TMEM86A: variants seen among roughly 807,000 people sequenced by gnomAD.
TMEM86A encodes the protein transmembrane protein 86A.
A neutral mutation model predicts 19.8 loss-of-function variants in TMEM86A; 13 were observed. That is an observed-to-expected ratio of 0.66 (90% CI 0.43 to 1.04). The LOEUF (loss-of-function observed/expected upper bound fraction) is 1.04, where lower values mean the gene tolerates loss of function less well. Ranked by LOEUF, TMEM86A falls within the 50% of genes least tolerant of loss-of-function variation. TMEM86A has a pLI of 0.00. For synonymous variants in TMEM86A, 128 were observed against 129.9 expected, an observed-to-expected ratio of 0.99 and a Z score of 0.10; for missense variants, 248 against 306.8, an observed-to-expected ratio of 0.81 and a Z score of 1.43.
rs2134150498 is a variant in TMEM86A, at chr11:18,701,742, C to T, written c.456C>T (p.Ala152=). 6 of 1,614,164 alleles carry T rather than the reference C, an allele frequency of 3.7e-6. No individual in the cohort carries two copies. The South Asian group carries it at 5.5e-5, about 15-fold the overall frequency. ...AFTYLVGVYV[A]LIGFMGWRAM... is the part of the protein sequence containing the mutation. ...CCTACCTGGTGGGGGTCTATGTGGC[C>T]CTTATCGGCTTCATGGGCTGGCGAG... The change falls in exon 3 of 3, where the codon GCC becomes GCT. Residue 152 remains alanine (A), a synonymous_variant. Coordinates refer to ENST00000280734, the MANE Select transcript of TMEM86A (RefSeq NM_153347.3). This position sits in a 1 kb window ranked among gnomAD's most constrained non-coding sequence, Gnocchi z 5.3.
intron 1 of TMEM86A, 145 bp from the exon 2 acceptor site, chr11:18,700,788 G>A: frequency 8.4e-7 from 1 of 1,191,392 alleles, no homozygotes; most frequent in Non-Finnish European, 1.2e-6. Context: ...GCCAGGCTGG[G>A]TTTCTCTGTG....
Position 18,700,979 on chromosome 11 carries a change from G to C in TMEM86A, c.68G>C (p.Cys23Ser), listed in dbSNP as rs765996164. ...PKLVPFFKATCVYFVLWLPSS... is the reference protein window; with the variant it reads ...PKLVPFFKATSVYFVLWLPSS... Reference sequence around the variant, plus strand: ...CTGGTGCCGTTCTTCAAGGCCACCTGCGTGTATTTTGTGCTCTGGCTGCCC... The same window carrying C: ...CTGGTGCCGTTCTTCAAGGCCACCTCCGTGTATTTTGTGCTCTGGCTGCCC... Residue 23 changes from cysteine to serine, a missense_variant, in exon 2 of 3, where the codon TGC becomes TCC. Coordinates refer to ENST00000280734, the MANE Select transcript of TMEM86A (RefSeq NM_153347.3). The C allele has an allele frequency of 6.8e-6, 11 of 1,614,198 alleles. No individual in the cohort carries two copies. The Admixed American group carries it at 1.5e-4, about 22-fold the overall frequency.
At position 18,701,862 on chromosome 11, in the gene TMEM86A, C is replaced by G. The variant is rs1341652776; in HGVS notation, c.576C>G (p.Thr192=). The G allele has an allele frequency of 1.2e-6, 2 of 1,614,022 alleles. No individual in the cohort carries two copies. Among genetic ancestry groups the G allele is most frequent in the African/African-American group, 1.3e-5 (1 of 74,928 alleles). ...GALFFIISDL[T]IALNKFCFPV... Reference sequence around the variant, plus strand: ...TCTTCTTTATCATCTCAGACCTGACCATCGCCCTCAACAAATTCTGTTTTC... The same window carrying G: ...TCTTCTTTATCATCTCAGACCTGACGATCGCCCTCAACAAATTCTGTTTTC... The change falls in exon 3 of 3, where the codon ACC becomes ACG. Residue 192 remains threonine (T), a synonymous_variant. Coordinates refer to ENST00000280734, the MANE Select transcript of TMEM86A (RefSeq NM_153347.3). This position sits in a 1 kb window ranked among gnomAD's most constrained non-coding sequence, Gnocchi z 5.3.
intron 1 of TMEM86A, 83 bp downstream of exon 1, chr11:18,698,990 C>A: frequency 2.3e-6 from 1 of 428,072 alleles, no homozygotes; most frequent in Non-Finnish European, 4.1e-6. Flanking sequence ...GGCCGAGCTG[C>A]CGAAGGGGCC....
chr11:18,704,584 C>G lies in TMEM86A; in HGVS notation c.*2575C>G. ...TTCGTTATATTAATGATGCTGGCGACCAGGGAAATTCCAAACTGCTGGACT... is the reference window on the plus strand; with the variant it reads ...TTCGTTATATTAATGATGCTGGCGAGCAGGGAAATTCCAAACTGCTGGACT... On this transcript the variant is annotated 3_prime_UTR_variant, in exon 3 of 3. Transcript: ENST00000280734. 1 of 1,237,384 alleles carries G rather than the reference C, an allele frequency of 8.1e-7. No individual in the cohort carries two copies. Among genetic ancestry groups the G allele is most frequent in the Non-Finnish European group, 1.2e-6 (1 of 867,136 alleles). 76.7% of individuals were successfully genotyped at this position (1,237,384 alleles called of 1,614,324 possible).
rs545877682 is a variant in TMEM86A at position 18,700,772 on chromosome 11, A to G, written c.22-161A>G. The G allele has an allele frequency of 3.7e-4, 357 of 973,812 alleles. 5 individuals carry two copies. The South Asian group carries it at 5.6e-3, about 15-fold the overall frequency. The allele number at this position is 973,812 out of a possible 1,614,324, so 60.3% of individuals were successfully genotyped here. A position where few individuals can be genotyped will look rare whatever the true frequency, so the allele number is the denominator to read the frequency against. On this transcript the variant is annotated intron_variant, in intron 1 of 2. Transcript: ENST00000280734. ...TTGGCCACAACCTGCTGGCTGGTAGAGGCAGGCCAGGCTGGGTTTCTCTGT... is the reference window on the plus strand; with the variant it reads ...TTGGCCACAACCTGCTGGCTGGTAGGGGCAGGCCAGGCTGGGTTTCTCTGT...
rs1402964284 is a variant in TMEM86A at position 18,702,322 on chromosome 11, C to T, written c.*313C>T. Reference sequence around the variant, plus strand: ...GATGGTGCTCAGCTTCTTGACACCCCCCCACCCACTTCCCCTACCAGGTGG... The same window carrying T: ...GATGGTGCTCAGCTTCTTGACACCCTCCCACCCACTTCCCCTACCAGGTGG... On this transcript the variant is annotated 3_prime_UTR_variant, in exon 3 of 3. Coordinates refer to ENST00000280734, the MANE Select transcript of TMEM86A (RefSeq NM_153347.3). The T allele has an allele frequency of 7.3e-6, 3 of 411,542 alleles. No homozygotes were observed. The highest frequency in any genetic ancestry group is 9.0e-6 in the Non-Finnish European group (2 of 221,274). 25.5% of individuals were successfully genotyped at this position (411,542 alleles called of 1,614,324 possible).
In TMEM86A at chr11:18,699,435, T is replaced by C. The variant is rs1848130865; in HGVS notation, c.21+528T>C. On this transcript the variant is annotated intron_variant, in intron 1 of 2. Transcript: ENST00000280734. The surrounding 1 kb of genome is among the most constrained non-coding windows in gnomAD (Gnocchi z 4.0). ...GGGCATTCTCTATGACATCCCCTGC[T>C]TTTCAGACTTTCTCAACTTGAACCT... Among the ~76,000 whole-genome samples, 1 of 152,242 alleles carries C rather than the reference T, an allele frequency of 6.6e-6. No homozygotes were observed. The highest frequency in any genetic ancestry group is 1.5e-5 in the Non-Finnish European group (1 of 68,048).
rs1848124372 is a variant in TMEM86A, at chr11:18,698,812, G to T, written c.-75G>T. 5 of 653,906 alleles carry T rather than the reference G, an allele frequency of 7.6e-6. No individual in the cohort carries two copies. The highest frequency in any genetic ancestry group is 1.1e-5 in the Non-Finnish European group (4 of 364,100). 40.5% of individuals were successfully genotyped at this position (653,906 alleles called of 1,614,324 possible). A position where few individuals can be genotyped will look rare whatever the true frequency, so the allele number is the denominator to read the frequency against. Reference sequence around the variant, plus strand: ...TCCCTCCGGGCTTTGTAGAATCGTCGCCGGCTTACCTGGCCGTGGGCGCGT... The same window carrying T: ...TCCCTCCGGGCTTTGTAGAATCGTCTCCGGCTTACCTGGCCGTGGGCGCGT... On this transcript the variant is annotated 5_prime_UTR_variant, in exon 1 of 3. Coordinates refer to ENST00000280734, the MANE Select transcript of TMEM86A (RefSeq NM_153347.3).
In TMEM86A at chr11:18,704,355, TA is replaced by T; in HGVS notation, c.*2347del. On this transcript the variant is annotated 3_prime_UTR_variant, in exon 3 of 3. Transcript: ENST00000280734. ...TTGCCCCATCCCTTCACTGAATGTT[TA>T]CATTAACAAACACCAGAGAGCAAAC... The T allele has an allele frequency of 1.4e-6, 1 of 716,264 alleles. No individual in the cohort carries two copies. Among genetic ancestry groups the T allele is most frequent in the Non-Finnish European group, 2.5e-6 (1 of 399,272 alleles). 44.4% of individuals were successfully genotyped at this position (716,264 alleles called of 1,614,324 possible). A position where few individuals can be genotyped will look rare whatever the true frequency, so the allele number is the denominator to read the frequency against.
Position 18,701,857 on chromosome 11 carries a change from C to T in TMEM86A, c.571C>T (p.Leu191=), listed in dbSNP as rs773920751. The T allele has an allele frequency of 1.2e-6, 2 of 1,614,034 alleles. No individual in the cohort carries two copies. The highest frequency in any genetic ancestry group is 1.7e-5 in the Admixed American group (1 of 60,014). The change falls in exon 3 of 3, where the codon CTG becomes TTG. Residue 191 remains leucine (L), a synonymous_variant. Transcript: ENST00000280734. The surrounding 1 kb of genome is among the most constrained non-coding windows in gnomAD (Gnocchi z 5.3). ...TGCACTCTTCTTTATCATCTCAGACCTGACCATCGCCCTCAACAAATTCTG... is the reference window on the plus strand; with the variant it reads ...TGCACTCTTCTTTATCATCTCAGACTTGACCATCGCCCTCAACAAATTCTG... ...SGALFFIISD[L]TIALNKFCFP...
rs1351177000 is a variant in TMEM86A at position 18,699,527 on chromosome 11, G to A, written c.21+620G>A. ...CCCTATAACTGTCAGGGTCTCTCCAGCTACTGCCAGTATCTCCTTCTAGAA... is the reference window on the plus strand; with the variant it reads ...CCCTATAACTGTCAGGGTCTCTCCAACTACTGCCAGTATCTCCTTCTAGAA... On this transcript the variant is annotated intron_variant, in intron 1 of 2. Coordinates refer to ENST00000280734, the MANE Select transcript of TMEM86A (RefSeq NM_153347.3). The surrounding 1 kb of genome is among the most constrained non-coding windows in gnomAD (Gnocchi z 4.0). Among the ~76,000 whole-genome samples the A allele has an allele frequency of 1.3e-5, 2 of 152,202 alleles. No individual in the cohort carries two copies. Among genetic ancestry groups the A allele is most frequent in the Non-Finnish European group, 2.9e-5 (2 of 68,034 alleles).
chr11:18,701,902 C>G lies in TMEM86A; in HGVS notation c.616C>G (p.Arg206Gly). ...ATTCTGTTTTCCTGTGCCCTACTCT[C>G]GGGCGCTTATCATGTCCACCTACTA... ...NKFCFPVPYS[R>G]ALIMSTYYVA... The change falls in exon 3 of 3, where the codon CGG (arginine) becomes GGG (glycine). Residue 206 changes from arginine (R) to glycine (G), a missense_variant. Physicochemically the swap from Arg to Gly is moderately radical, Grantham distance 125 (BLOSUM62 -2). Transcript: ENST00000280734. The surrounding 1 kb of genome is among the most constrained non-coding windows in gnomAD (Gnocchi z 5.3). 6.2e-7 allele frequency: 1 copy of G among 1,614,098 alleles called. No individual in the cohort carries two copies. The highest frequency in any genetic ancestry group is 1.6e-4 in the Middle Eastern group (1 of 6,062).
rs1394880500 is a variant in TMEM86A at position 18,699,094 on chromosome 11, C to G, written c.21+187C>G. Among the ~76,000 whole-genome samples, 1 of 152,066 alleles carries G rather than the reference C, an allele frequency of 6.6e-6. No homozygotes were observed. Among genetic ancestry groups the G allele is most frequent in the African/African-American group, 2.4e-5 (1 of 41,452 alleles). The stretch of plus-strand genomic sequence containing the variant: ...GCTCCTCAGACTCGCGGCGCCCCTC[C>G]TCGCGCGCCCCCAGCCCGCCCGCGG... On this transcript the variant is annotated intron_variant, in intron 1 of 2. Coordinates refer to ENST00000280734, the MANE Select transcript of TMEM86A (RefSeq NM_153347.3). This position sits in a 1 kb window ranked among gnomAD's most constrained non-coding sequence, Gnocchi z 4.0.
chr11:18,700,707 T>G, intron 1 of TMEM86A: 1 of 605,236 alleles, frequency 1.7e-6, no homozygotes, highest in Non-Finnish European at 2.9e-6. Context: ...TGCAGAAGGG[T>G]GCCCCTCCTA....
At position 18,699,267 on chromosome 11, in the gene TMEM86A, TG is replaced by T. The variant is rs1472106868; in HGVS notation, c.21+365del. Among the ~76,000 whole-genome samples the T allele has an allele frequency of 3.3e-5, 5 of 151,770 alleles. No homozygotes were observed. Among genetic ancestry groups the T allele is most frequent in the African/African-American group, 1.2e-4 (5 of 41,286 alleles). On this transcript the variant is annotated intron_variant, in intron 1 of 2. Transcript: ENST00000280734. This position sits in a 1 kb window ranked among gnomAD's most constrained non-coding sequence, Gnocchi z 4.0. ...CGCGTAGGCGGACCACAGGGAGGCGTGGGGGCGGGGGATGCTGGGAGGATAA... is the reference window on the plus strand; with the variant it reads ...CGCGTAGGCGGACCACAGGGAGGCGTGGGGCGGGGGATGCTGGGAGGATAA...
At position 18,699,222 on chromosome 11, in the gene TMEM86A, C is replaced by G. The variant is rs1051982195; in HGVS notation, c.21+315C>G. ...TCGCGGCCCGGGAGAGGGAGGGGAC[C>G]GCTGCCGGCCGCAGAGTTCCGCGTA... is the stretch of plus-strand genomic sequence containing the variant. On this transcript the variant is annotated intron_variant, in intron 1 of 2. Transcript: ENST00000280734. The surrounding 1 kb of genome is among the most constrained non-coding windows in gnomAD (Gnocchi z 4.0). Among the ~76,000 whole-genome samples the G allele has an allele frequency of 5.9e-5, 9 of 152,202 alleles. No individual in the cohort carries two copies. The highest frequency in any genetic ancestry group is 1.0e-4 in the Non-Finnish European group (7 of 68,036).
rs779132657 is a variant in TMEM86A at position 18,701,119 on chromosome 11, C to G, written c.208C>G (p.Arg70Gly). 6.2e-7 allele frequency: 1 copy of G among 1,614,084 alleles called. No homozygotes were observed. Among genetic ancestry groups the G allele is most frequent in the African/African-American group, 1.3e-5 (1 of 75,042 alleles). ...GFLLAHPSAT[R>G]IFVGLVFSAV... ...CCTGCTGGCCCACCCCAGCGCCACCCGCATCTTTGTGGGGCTTGTCTTCTC... is the reference window on the plus strand; with the variant it reads ...CCTGCTGGCCCACCCCAGCGCCACCGGCATCTTTGTGGGGCTTGTCTTCTC... Residue 70 changes from arginine to glycine, a missense_variant, in exon 2 of 3, where the codon CGC becomes GGC. Arg to Gly is a moderately radical substitution (Grantham distance 125). Transcript: ENST00000280734. The surrounding 1 kb of genome is among the most constrained non-coding windows in gnomAD (Gnocchi z 5.3).
In TMEM86A at chr11:18,698,913, TGAGC is replaced by T. The variant is rs753796455; in HGVS notation, c.21+19_21+22del. ...TGGTGTCCCCGGTCACTGTGGTGAG[TGAGC>T]GAGCGAGCGAGCCAGTGCCCGGCGC... On this transcript the variant is annotated splice_region_variant and intron_variant, in intron 1 of 2. Coordinates refer to ENST00000280734, the MANE Select transcript of TMEM86A (RefSeq NM_153347.3). 2.1e-5 allele frequency: 14 copies of T among 657,502 alleles called. No homozygotes were observed. Among genetic ancestry groups the T allele is most frequent in the African/African-American group, 7.5e-5 (4 of 53,682 alleles). The allele number at this position is 657,502 out of a possible 1,614,324, so 40.7% of individuals were successfully genotyped here. A position where few individuals can be genotyped will look rare whatever the true frequency, so the allele number is the denominator to read the frequency against.
Sources: allele counts gnomAD v4.1 joint callset (sites outside exome capture counted in the v4.1 genomes callset), GRCh38; gene constraint gnomAD v4.1.1; non-coding constraint Gnocchi (gnomAD v3.1); transcripts MANE v1.5; gene names NCBI Gene and HGNC (gene_info 2026-07-23, HGNC 2026-07-21).